MAP4K5: variants seen among roughly 807,000 people sequenced by gnomAD.
The protein encoded by MAP4K5 is MAPK/ERK kinase kinase kinase 5.
A neutral mutation model predicts 135.6 loss-of-function variants in MAP4K5; 82 were observed. That is an observed-to-expected ratio of 0.60 (90% CI 0.51 to 0.73). MAP4K5 has a LOEUF of 0.73. MAP4K5 is among the 30% of genes least tolerant of loss of function. The probability of loss-of-function intolerance (pLI) is 0.00; values close to 1 mark genes in which losing one functional copy is unlikely to be tolerated. For missense variants in MAP4K5, 907 were observed against 1,010.9 expected, an observed-to-expected ratio of 0.90 and a Z score of 1.39; for synonymous variants, 347 against 335.0, an observed-to-expected ratio of 1.04 and a Z score of -0.39.
rs2037095581 is a variant in MAP4K5, at chr14:50,476,239, A to C, written c.426+20T>G. 1 of 1,493,076 alleles carries C rather than the reference A, an allele frequency of 6.7e-7. No individual in the cohort carries two copies. Among genetic ancestry groups the C allele is most frequent in the Non-Finnish European group, 9.0e-7 (1 of 1,107,746 alleles). The allele number at this position is 1,493,076 out of a possible 1,614,324, so 92.5% of individuals were successfully genotyped here. A position where few individuals can be genotyped will look rare whatever the true frequency, so the allele number is the denominator to read the frequency against. ...TTCTTCCAATAGAATTGGCAATTTAAATGTATTAAATGAACTTACTTTGAT... is the reference window on the plus strand; with the variant it reads ...TTCTTCCAATAGAATTGGCAATTTACATGTATTAAATGAACTTACTTTGAT... On this transcript the variant is annotated intron_variant, in intron 7 of 32. Transcript: ENST00000682126.
At chr14:50,557,869 AAGAT>A (rs777474219) in intron 1 of MAP4K5, among the ~76,000 whole-genome samples, 49 of 152,194 alleles carry the variant, frequency 3.2e-4, no homozygotes, top group Non-Finnish European at 6.0e-4. Context: ...TTCTAGTTCT[AAGAT>A]AGGGAAAATA....
Position 50,456,608 on chromosome 14 carries a change from C to A in MAP4K5, c.937-14G>T, listed in dbSNP as rs1281406288. On this transcript the variant is annotated splice_polypyrimidine_tract_variant and intron_variant, in intron 13 of 32. Coordinates refer to ENST00000682126, the MANE Select transcript of MAP4K5 (RefSeq NM_006575.6). ...GATTGCATGGGGCTGTGAATATAAG[C>A]ATAATATATATACTTTAACAAATTT... 6.6e-7 allele frequency: 1 copy of A among 1,505,366 alleles called. No individual in the cohort carries two copies. Among genetic ancestry groups the A allele is most frequent in the East Asian group, 2.4e-5 (1 of 41,038 alleles). 93.3% of individuals were successfully genotyped at this position (1,505,366 alleles called of 1,614,324 possible). A position where few individuals can be genotyped will look rare whatever the true frequency, so the allele number is the denominator to read the frequency against.
chr14:50,444,140 CTT>C, intron 18 of MAP4K5, 104 bp from the exon 19 acceptor site: 1 of 765,870 alleles, frequency 1.3e-6, no homozygotes. Context: ...TTGGGTGATC[CTT>C]TATTGGGGAA....
At chr14:50,430,058 C>T (rs1432385173) in intron 28 of MAP4K5, among the ~76,000 whole-genome samples, 3 of 151,692 alleles carry the variant, frequency 2.0e-5, no homozygotes, top group Non-Finnish European at 4.4e-5. Context: ...CACCAATCAA[C>T]CTGATTTAAG....
chr14:50,480,824 A>C (rs189199618), intron 6 of MAP4K5, among the ~76,000 whole-genome samples: 1 of 152,330 alleles, frequency 6.6e-6, no homozygotes, highest in East Asian at 1.9e-4. Context: ...CCTGCACAGC[A>C]CATTAGTGTA....
chr14:50,426,075 T>A (rs2035839855), intron 30 of MAP4K5, 98 bp from the exon 31 acceptor site: 2 of 720,370 alleles, frequency 2.8e-6, no homozygotes, highest in South Asian at 2.2e-5. Context: ...CCTATTCAAG[T>A]GTCTAGTGCA....
chr14:50,441,223 TATAAAC>T (rs2036219110), intron 21 of MAP4K5, among the ~76,000 whole-genome samples: 1 of 152,080 alleles, frequency 6.6e-6, no homozygotes, highest in Admixed American at 6.6e-5. Flanking sequence ...ATAGTATAAT[TATAAAC>T]ATAATCTCAG....
chr14:50,521,841 C>A (rs1022823542), intron 2 of MAP4K5, among the ~76,000 whole-genome samples: 3 of 152,188 alleles, frequency 2.0e-5, no homozygotes, highest in African/African-American at 7.2e-5. Context: ...CCCTCTCAAA[C>A]TTGACTAGTA....
At chr14:50,507,133 T>C (rs978945011) in intron 2 of MAP4K5, among the ~76,000 whole-genome samples, 6 of 152,230 alleles carry the variant, frequency 3.9e-5, no homozygotes, top group African/African-American at 1.4e-4. Flanking sequence ...ATGGCAATTA[T>C]GTTTGTAATG....
intron 31 of MAP4K5, among the ~76,000 whole-genome samples, chr14:50,424,615 C>G (rs1210825397): frequency 6.8e-6 from 1 of 147,456 alleles, no homozygotes; most frequent in Non-Finnish European, 1.5e-5. Flanking sequence ...GAGGCCGAGG[C>G]AGGAGAATCG....
At chr14:50,484,734 G>C (rs2037327075) in intron 5 of MAP4K5, among the ~76,000 whole-genome samples, 1 of 152,068 alleles carries the variant, frequency 6.6e-6, no homozygotes, top group Admixed American at 6.5e-5. Context: ...TTTTAAAACT[G>C]AGCTCTGTAG....
rs573513010 is a variant in MAP4K5, at chr14:50,418,542, T to C, written c.*1477A>G. 4 of 152,800 alleles carry C rather than the reference T, an allele frequency of 2.6e-5. No homozygotes were observed. The highest frequency in any genetic ancestry group is 1.3e-4 in the Admixed American group (2 of 15,306). The allele number at this position is 152,800 out of a possible 1,614,324, so 9.5% of individuals were successfully genotyped here. On this transcript the variant is annotated 3_prime_UTR_variant, in exon 33 of 33. Transcript: ENST00000682126. ...TATATTCCATTTGTATAACATTTTATTGTTTGCGTATTGCATAGTGAAAAG... is the reference window on the plus strand; with the variant it reads ...TATATTCCATTTGTATAACATTTTACTGTTTGCGTATTGCATAGTGAAAAG...
intron 1 of MAP4K5, among the ~76,000 whole-genome samples, chr14:50,552,142 ATAAATGAG>A (rs2038710530): frequency 6.6e-6 from 1 of 152,238 alleles, no homozygotes; most frequent in Non-Finnish European, 1.5e-5. Context: ...TCTAGACCTG[ATAAATGAG>A]TTCAGTAAAG....
chr14:50,451,186 A>G (rs888648349), intron 14 of MAP4K5, among the ~76,000 whole-genome samples: 1 of 152,178 alleles, frequency 6.6e-6, no homozygotes, highest in African/African-American at 2.4e-5. Flanking sequence ...ACTGAACAGT[A>G]GACTCAATAC....
intron 26 of MAP4K5, among the ~76,000 whole-genome samples, chr14:50,437,211 A>G (rs1287569151): frequency 6.6e-6 from 1 of 152,178 alleles, no homozygotes. Context: ...GAAAGTTAGA[A>G]TATTAGCAAA....
chr14:50,491,897 G>A (rs1046912822), intron 3 of MAP4K5, among the ~76,000 whole-genome samples: 1 of 151,992 alleles, frequency 6.6e-6, no homozygotes, highest in Non-Finnish European at 1.5e-5. Context: ...ATGTTGCCCA[G>A]GCTGGTCTCG....
chr14:50,526,173 T>A (rs1338136506), intron 2 of MAP4K5, among the ~76,000 whole-genome samples: 1 of 152,246 alleles, frequency 6.6e-6, no homozygotes, highest in Non-Finnish European at 1.5e-5. Flanking sequence ...CCTCTGTTAA[T>A]CTTCCTTGGT....
At chr14:50,549,664 T>G (rs1193980751) in intron 1 of MAP4K5, among the ~76,000 whole-genome samples, 2 of 152,006 alleles carry the variant, frequency 1.3e-5, no homozygotes, top group East Asian at 3.9e-4. Flanking sequence ...TGATCAGAGC[T>G]CCCATTCATG....
intron 3 of MAP4K5, among the ~76,000 whole-genome samples, chr14:50,503,527 T>C (rs912033142): frequency 1.2e-4 from 19 of 152,054 alleles, no homozygotes; most frequent in Admixed American, 7.2e-4. Flanking sequence ...TTATGTTAGT[T>C]CTAATATATG....
Sources: allele counts gnomAD v4.1 joint callset (sites outside exome capture counted in the v4.1 genomes callset), GRCh38; gene constraint gnomAD v4.1.1; transcripts MANE v1.5; gene names NCBI Gene and HGNC (gene_info 2026-07-23, HGNC 2026-07-21).